The following MELTF variants were observed in gnomAD, a reference collection of about 807,000 sequenced individuals.
MELTF encodes melanotransferrin.
A neutral mutation model predicts 83.7 loss-of-function variants in MELTF; 67 were observed. The ratio of observed to expected loss-of-function variants is 0.80; its 90% confidence interval spans 0.66 to 0.98. MELTF has a LOEUF of 0.98. Among genes scored for constraint, MELTF ranks in the 50% least tolerant of loss-of-function variants. The pLI is 0.00. For missense variants in MELTF, 1,002 were observed against 1,035.6 expected, an observed-to-expected ratio of 0.97 and a Z score of 0.44; for synonymous variants, 462 against 447.6, an observed-to-expected ratio of 1.03 and a Z score of -0.41.
chr3:197,019,794 TGGACTTTCTGATTTAAAA>T, intron 6 of MELTF: 1 of 1,574,118 alleles, frequency 6.4e-7, no homozygotes, highest in Non-Finnish European at 8.7e-7. Flanking sequence ...GCCTTCGTGA[TGGACTTTCTGATTTAAAA>T]GGCAATGGTT....
chr3:197,009,838 G>A (rs765261967), intron 10 of MELTF, 26 bp from the exon 11 acceptor site: 16 of 1,597,796 alleles, frequency 1.0e-5, no homozygotes, highest in African/African-American at 1.3e-5. Flanking sequence ...CTCACGTGAG[G>A]GGCCCCTCAT....
Position 197,029,748 on chromosome 3 carries a change from T to C in MELTF, c.-46A>G. The C allele has an allele frequency of 8.4e-7, 1 of 1,184,444 alleles. No individual in the cohort carries two copies. The highest frequency in any genetic ancestry group is 1.6e-5 in the African/African-American group (1 of 63,310). The allele number at this position is 1,184,444 out of a possible 1,614,324, so 73.4% of individuals were successfully genotyped here. On this transcript the variant is annotated 5_prime_UTR_variant, in exon 1 of 16. Transcript: ENST00000296350. This position sits in a 1 kb window ranked among gnomAD's most constrained non-coding sequence, Gnocchi z 6.5. Reference sequence around the variant, plus strand: ...GGGCCGGGCTGGGGCTGGGTCCGGGTCCGAGGAGGTCCGCAGCAGCCGGGC... The same window carrying C: ...GGGCCGGGCTGGGGCTGGGTCCGGGCCCGAGGAGGTCCGCAGCAGCCGGGC...
intron 9 of MELTF, 32 bp from the exon 10 acceptor site, chr3:197,010,826 G>C (rs200750112): frequency 1.3e-6 from 2 of 1,593,420 alleles, no homozygotes; most frequent in African/African-American, 1.3e-5. Context: ...ACTGGGCCGG[G>C]GTGGGCCCAG....
rs377627014 is a variant in MELTF at position 197,008,727 on chromosome 3, G to A, written c.1683-3C>T. On this transcript the variant is annotated splice_polypyrimidine_tract_variant and splice_region_variant and intron_variant, in intron 12 of 15. Coordinates refer to ENST00000296350, the MANE Select transcript of MELTF (RefSeq NM_005929.6). This position sits in a 1 kb window ranked among gnomAD's most constrained non-coding sequence, Gnocchi z 5.4. ...CACCCGCATTCTCCACCAGGCACCT[G>A]CCACACAGAGGGCAGGGCAGGCGTC... is the stretch of plus-strand genomic sequence containing the variant. 11 of 1,614,086 alleles carry A rather than the reference G, an allele frequency of 6.8e-6. No homozygotes were observed. The highest frequency in any genetic ancestry group is 9.3e-6 in the Non-Finnish European group (11 of 1,179,984).
chr3:197,020,872 T>C (rs1719596275), intron 6 of MELTF, among the ~76,000 whole-genome samples: 1 of 152,166 alleles, frequency 6.6e-6, no homozygotes, highest in South Asian at 2.1e-4. Context: ...TTTCACCATG[T>C]TGGCCAGGAT....
At position 197,022,991 on chromosome 3, in the gene MELTF, G is replaced by T. The variant is rs778409985; in HGVS notation, c.610C>A (p.Leu204Met). 1 of 1,613,348 alleles carries T rather than the reference G, an allele frequency of 6.2e-7. No individual in the cohort carries two copies. The highest frequency in any genetic ancestry group is 8.5e-7 in the Non-Finnish European group (1 of 1,179,912). Residue 204 changes from leucine to methionine, a missense_variant, in exon 5 of 16, where the codon CTG (leucine) becomes ATG (methionine). By Grantham distance (15) the Leu-to-Met change is conservative (BLOSUM62 2). Coordinates refer to ENST00000296350, the MANE Select transcript of MELTF (RefSeq NM_005929.6). This position sits in a 1 kb window ranked among gnomAD's most constrained non-coding sequence, Gnocchi z 5.1. Reference protein sequence around the residue: ...SGEGVCDKSPLERYYDYSGAF... With the variant: ...SGEGVCDKSPMERYYDYSGAF... ...CCGCTGTAGTCGTAGTATCTCTCCA[G>T]GGGGCTCTTGTCACACACCCCTTCC...
intron 1 of MELTF, 80 bp from the exon 2 acceptor site, chr3:197,027,990 C>T: frequency 6.9e-7 from 1 of 1,447,620 alleles, no homozygotes; most frequent in South Asian, 1.3e-5. Context: ...TCCAGCAGTT[C>T]TGTGTGAGCC....
intron 6 of MELTF, chr3:197,018,824 C>T (rs1719503907): frequency 4.7e-6 from 3 of 638,176 alleles, no homozygotes; most frequent in South Asian, 7.0e-5. Context: ...TATTTTTCCA[C>T]AGTATTGGAA....
rs896556554 is a variant in MELTF, at chr3:197,029,711, C to T, written c.-9G>A. On this transcript the variant is annotated 5_prime_UTR_variant, in exon 1 of 16. Coordinates refer to ENST00000296350, the MANE Select transcript of MELTF (RefSeq NM_005929.6). This position sits in a 1 kb window ranked among gnomAD's most constrained non-coding sequence, Gnocchi z 6.5. ...CCGCTCGGACCCCGCATGGCGCCGT[C>T]GGGGCTGGCTGGGGCCGGGCTGGGG... is the stretch of plus-strand genomic sequence containing the variant. The T allele has an allele frequency of 1.6e-6, 2 of 1,237,732 alleles. No homozygotes were observed. Among genetic ancestry groups the T allele is most frequent in the African/African-American group, 1.5e-5 (1 of 64,776 alleles). The allele number at this position is 1,237,732 out of a possible 1,614,324, so 76.7% of individuals were successfully genotyped here. A position where few individuals can be genotyped will look rare whatever the true frequency, so the allele number is the denominator to read the frequency against.
At chr3:197,018,914 G>A in intron 6 of MELTF, 2 of 983,500 alleles carry the variant, frequency 2.0e-6, no homozygotes, top group Non-Finnish European at 2.4e-6. Flanking sequence ...GGGATATTGA[G>A]AAGACGAATA....
intron 2 of MELTF, among the ~76,000 whole-genome samples, 199 bp downstream of exon 2, chr3:197,027,557 G>A (rs1045898642): frequency 5.3e-5 from 8 of 152,242 alleles, no homozygotes; most frequent in Non-Finnish European, 1.0e-4. Context: ...TCTGAGCAGC[G>A]GGTCCTCCTG....
At chr3:197,026,590 C>T (rs1454719394) in intron 3 of MELTF, 70 bp downstream of exon 3, 10 of 1,437,320 alleles carry the variant, frequency 7.0e-6, no homozygotes, top group Non-Finnish European at 1.9e-6. Flanking sequence ...AGGCCAGGCC[C>T]AGCAAGGGCA....
At position 197,008,785 on chromosome 3, in the gene MELTF, C is replaced by T. The variant is rs1355171509; in HGVS notation, c.1682+24G>A. On this transcript the variant is annotated intron_variant, in intron 12 of 15. Coordinates refer to ENST00000296350, the MANE Select transcript of MELTF (RefSeq NM_005929.6). The surrounding 1 kb of genome is among the most constrained non-coding windows in gnomAD (Gnocchi z 5.4). ...GGGTCCCAGCCTCTGCACACAGCCCCAGACTGCCAGGCCACCCGGGTACCT... is the reference window on the plus strand; with the variant it reads ...GGGTCCCAGCCTCTGCACACAGCCCTAGACTGCCAGGCCACCCGGGTACCT... The T allele has an allele frequency of 1.2e-6, 2 of 1,613,864 alleles. No homozygotes were observed. The highest frequency in any genetic ancestry group is 1.7e-6 in the Non-Finnish European group (2 of 1,179,930).
chr3:197,015,468 T>C lies in MELTF; in HGVS notation c.1130A>G (p.Gln377Arg). The C allele has an allele frequency of 2.5e-6, 4 of 1,611,516 alleles. No homozygotes were observed. Among genetic ancestry groups the C allele is most frequent in the Admixed American group, 1.7e-5 (1 of 59,782 alleles). Residue 377 changes from glutamine (Q) to arginine (R), a missense_variant, in exon 9 of 16, where the codon CAG becomes CGG. Physicochemically the swap from Gln to Arg is conservative, Grantham distance 43. Transcript: ENST00000296350. Reference sequence around the variant, plus strand: ...GGCCACGGCCATGTCTCCACACTTCTGGATCTCGGGAGTGGAGAGCACACA... The same window carrying C: ...GGCCACGGCCATGTCTCCACACTTCCGGATCTCGGGAGTGGAGAGCACACA... Reference protein sequence around the residue: ...RWCVLSTPEIQKCGDMAVAFR... With the variant: ...RWCVLSTPEIRKCGDMAVAFR...
At chr3:197,009,020 G>T (rs1034670383) in intron 11 of MELTF, 55 bp from the exon 12 acceptor site, 1 of 1,602,464 alleles carries the variant, frequency 6.2e-7, no homozygotes, top group African/African-American at 1.3e-5. Flanking sequence ...GTGTGGGAGG[G>T]AGCTGGGCGG....
Position 197,011,709 on chromosome 3 carries a change from C to T in MELTF, c.1234-915G>A, listed in dbSNP as rs1220778691. Among the ~76,000 whole-genome samples, 4 of 152,168 alleles carry T rather than the reference C, an allele frequency of 2.6e-5. No homozygotes were observed. The highest frequency in any genetic ancestry group is 4.4e-5 in the Non-Finnish European group (3 of 68,024). On this transcript the variant is annotated intron_variant, in intron 9 of 15. Transcript: ENST00000296350. This position sits in a 1 kb window ranked among gnomAD's most constrained non-coding sequence, Gnocchi z 4.2. ...ACAGACCCTGCACCACAGCCCAGGG[C>T]GCTTCTGGCTGATGGTCCCTTCCCT...
At chr3:197,010,639 A>G in intron 10 of MELTF, 59 bp downstream of exon 10, 1 of 1,451,822 alleles carries the variant, frequency 6.9e-7, no homozygotes. Flanking sequence ...GCACTCTTTT[A>G]TATTTATAAA....
chr3:197,024,157 C>CA lies in MELTF; in HGVS notation c.487+145dup. The stretch of plus-strand genomic sequence containing the variant: ...GGCGGCAGAGTGGAGGCGGGGGAGG[C>CA]ACGGGGCGGGCGGGGGCTGCTGCGC... On this transcript the variant is annotated intron_variant, in intron 4 of 15. Transcript: ENST00000296350. This position sits in a 1 kb window ranked among gnomAD's most constrained non-coding sequence, Gnocchi z 5.3. The CA allele has an allele frequency of 1.3e-6, 1 of 782,014 alleles. No individual in the cohort carries two copies. The highest frequency in any genetic ancestry group is 1.9e-6 in the Non-Finnish European group (1 of 527,850). The allele number at this position is 782,014 out of a possible 1,614,324, so 48.4% of individuals were successfully genotyped here.
rs1428178300 is a variant in MELTF, at chr3:197,024,561, G to A, written c.305-76C>T. 1.9e-5 allele frequency: 26 copies of A among 1,375,514 alleles called. No homozygotes were observed. Among genetic ancestry groups the A allele is most frequent in the East Asian group, 1.4e-4 (6 of 42,174 alleles). The allele number at this position is 1,375,514 out of a possible 1,614,324, so 85.2% of individuals were successfully genotyped here. The stretch of plus-strand genomic sequence containing the variant: ...GGCTGCACCAGCACCCTGCCTGGGC[G>A]GGCTGTGGGAGAGGTGTGTGCACGG... On this transcript the variant is annotated intron_variant, in intron 3 of 15. Coordinates refer to ENST00000296350, the MANE Select transcript of MELTF (RefSeq NM_005929.6). The surrounding 1 kb of genome is among the most constrained non-coding windows in gnomAD (Gnocchi z 5.3).
Sources: gnomAD v4.1 joint callset for allele counts (sites outside exome capture counted in the v4.1 genomes callset) on GRCh38, gnomAD v4.1.1 for gene constraint, Gnocchi (gnomAD v3.1) non-coding constraint, MANE v1.5 for transcripts, NCBI Gene and HGNC (gene_info 2026-07-23, HGNC 2026-07-21) for gene names.